ZFYVE1: variants seen among roughly 807,000 people sequenced by gnomAD.
ZFYVE1 encodes zinc finger FYVE-type containing 1.
In ZFYVE1, 30 loss-of-function variants were observed where a neutral mutation model predicts 74.4. The ratio of observed to expected loss-of-function variants is 0.40; its 90% CI spans 0.30 to 0.55. The LOEUF (loss-of-function observed/expected upper bound fraction) is 0.55. Among genes scored for constraint, ZFYVE1 ranks in the 20% least tolerant of loss-of-function variants. ZFYVE1 has a pLI of 0.42. For synonymous variants in ZFYVE1, 335 were observed against 385.1 expected (o/e 0.87, Z 1.52); for missense variants, 703 against 1,011.6 (o/e 0.69, Z 4.14).
chr14:72,995,328 C>T (rs1484651286), intron 3 of ZFYVE1, among the ~76,000 whole-genome samples: 1 of 152,178 alleles, frequency 6.6e-6, no homozygotes, highest in African/African-American at 2.4e-5. Flanking sequence ...AACCCCAAAC[C>T]TCAAGTGATC....
intron 4 of ZFYVE1, among the ~76,000 whole-genome samples, chr14:72,989,530 T>C (rs28609654): frequency 0.11 from 16,138 of 152,200 alleles, 2,037 homozygotes; most frequent in African/African-American, 0.31. Context: ...ATCATGAATA[T>C]GCATTGCTTT....
At chr14:73,007,672 A>C (rs1168573946) in intron 2 of ZFYVE1, among the ~76,000 whole-genome samples, 1 of 152,158 alleles carries the variant, frequency 6.6e-6, no homozygotes, top group Non-Finnish European at 1.5e-5. Context: ...CACTGAGCCC[A>C]ACCCCATGGC....
chr14:72,981,704 C>A (rs1479874584), intron 5 of ZFYVE1, 85 bp downstream of exon 5: 8 of 1,255,076 alleles, frequency 6.4e-6, no homozygotes, highest in Non-Finnish European at 8.2e-6. Context: ...AGGGGATCTG[C>A]ATCCACACCA....
chr14:72,991,183 ATTTTTT>A (rs57153409), intron 4 of ZFYVE1, among the ~76,000 whole-genome samples: 1 of 83,566 alleles, frequency 1.2e-5, no homozygotes, highest in African/African-American at 4.5e-5. Flanking sequence ...CCCTGATGGT[ATTTTTT>A]TTTTTTTTTT....
Position 73,015,320 on chromosome 14 carries a change from AGGGGGAAGGAAAG to A in ZFYVE1, c.483+8693_483+8705del, listed in dbSNP as rs1442385490. 3.0e-3 allele frequency among the ~76,000 whole-genome samples: 206 copies of A among 69,202 alleles called. 1 individual carries two copies. The highest frequency in any genetic ancestry group is 0.011 in the African/African-American group (199 of 17,604). 45.4% of individuals were successfully genotyped at this position (69,202 alleles called of 152,430 possible). A position where few individuals can be genotyped will look rare whatever the true frequency, so the allele number is the denominator to read the frequency against. ...AAGAAGGGAGGGAGGGAGGGAGGGAAGGGGGAAGGAAAGGGGGGAAGGAAAGGGGAAGGAAGGG... is the reference window on the plus strand; with the variant it reads ...AAGAAGGGAGGGAGGGAGGGAGGGAAGGGGGAAGGAAAGGGGAAGGAAGGG... On this transcript the variant is annotated intron_variant, in intron 2 of 11. Coordinates refer to ENST00000556143, the MANE Select transcript of ZFYVE1 (RefSeq NM_021260.4).
chr14:72,997,718 C>A, intron 3 of ZFYVE1, 93 bp downstream of exon 3: 2 of 1,463,326 alleles, frequency 1.4e-6, no homozygotes, highest in South Asian at 1.4e-5. Context: ...TCTTTCTGGG[C>A]AATCCACTAC....
chr14:73,021,689 A>G (rs1262763612), intron 2 of ZFYVE1, among the ~76,000 whole-genome samples: 1 of 152,194 alleles, frequency 6.6e-6, no homozygotes, highest in African/African-American at 2.4e-5. Context: ...CAGTTAATAA[A>G]CTGTTATTTC....
chr14:73,010,312 A>C (rs1463293519), intron 2 of ZFYVE1, among the ~76,000 whole-genome samples: 1 of 151,822 alleles, frequency 6.6e-6, no homozygotes, highest in African/African-American at 2.4e-5. Flanking sequence ...CTAAAAATAC[A>C]AAAAATTGGC....
chr14:73,021,354 A>AAAAT (rs71109783), intron 2 of ZFYVE1, among the ~76,000 whole-genome samples: 52,887 of 147,320 alleles, frequency 0.36, 9,977 homozygotes, highest in Admixed American at 0.46. Flanking sequence ...TCTCAAAATA[A>AAAAT]AAATAAATAA....
Position 72,978,907 on chromosome 14 carries a change from C to T in ZFYVE1, c.1373G>A (p.Arg458His), listed in dbSNP as rs780097110. 1.9e-6 allele frequency: 3 copies of T among 1,614,036 alleles called. No homozygotes were observed. The highest frequency in any genetic ancestry group is 1.7e-5 in the Admixed American group (1 of 60,008). ...GTCATACTGGTGGGAGTATCTGCAG[C>T]GGCTCTTGGCTTCATGAGGCACTCC... ...KEGVPHEAKS[R>H]CRYSHQYDNR... is the part of the protein sequence containing the mutation. The change falls in exon 6 of 12, where the codon CGC becomes CAC. Residue 458 changes from arginine to histidine, a missense_variant. Around this residue, in one of 2 missense-constraint regions of ZFYVE1, gnomAD observed 492 missense variants for 790.0 expected, o/e 0.62. Transcript: ENST00000556143.
At chr14:72,979,953 G>C (rs965205064) in intron 5 of ZFYVE1, among the ~76,000 whole-genome samples, 1 of 152,146 alleles carries the variant, frequency 6.6e-6, no homozygotes, top group Non-Finnish European at 1.5e-5. Flanking sequence ...CAGAGATCAG[G>C]ACTTTAGAAT....
At chr14:72,981,974 C>T in intron 4 of ZFYVE1, 79 bp from the exon 5 acceptor site, 2 of 1,194,692 alleles carry the variant, frequency 1.7e-6, no homozygotes, top group Non-Finnish European at 1.2e-6. Flanking sequence ...AGGCACCGTA[C>T]AAGCAACACA....
intron 2 of ZFYVE1, among the ~76,000 whole-genome samples, chr14:73,012,880 G>A (rs1308248277): frequency 6.6e-6 from 1 of 152,154 alleles, no homozygotes; most frequent in Non-Finnish European, 1.5e-5. Context: ...TATGAGAGAT[G>A]ACAGTTTAGC....
chr14:73,013,345 C>T (rs536034293), intron 2 of ZFYVE1, among the ~76,000 whole-genome samples: 3 of 152,126 alleles, frequency 2.0e-5, no homozygotes, highest in Non-Finnish European at 2.9e-5. Flanking sequence ...CAGTGGCTCA[C>T]GCCTGTAATC....
Position 72,978,019 on chromosome 14 carries a change from C to T in ZFYVE1, c.1543G>A (p.Gly515Ser). 6.2e-7 allele frequency: 1 copy of T among 1,614,200 alleles called. No individual in the cohort carries two copies. Among genetic ancestry groups the T allele is most frequent in the Non-Finnish European group, 8.5e-7 (1 of 1,180,048 alleles). The change falls in exon 8 of 12, where the codon GGC becomes AGC. Residue 515 changes from glycine to serine, a missense_variant. By Grantham distance (56) the Gly-to-Ser change is moderately conservative (BLOSUM62 0). Coordinates refer to ENST00000556143, the MANE Select transcript of ZFYVE1 (RefSeq NM_021260.4). ...SGYVIECPNC[G>S]VVYRSRQYWF... ...TACTGCCGACTACGATAGACCACGCCACAGTTAGGACATTCGATCACATAC... is the reference window on the plus strand; with the variant it reads ...TACTGCCGACTACGATAGACCACGCTACAGTTAGGACATTCGATCACATAC...
rs1316461320 is a variant in ZFYVE1 at position 72,975,003 on chromosome 14, T to C, written c.1807-44A>G. 6.4e-7 allele frequency: 1 copy of C among 1,566,076 alleles called. No individual in the cohort carries two copies. Among genetic ancestry groups the C allele is most frequent in the Non-Finnish European group, 8.7e-7 (1 of 1,148,000 alleles). ...AAAACAGAGAGGCAGGTAGGTATGG[T>C]ACATGTCTGCTCAGCTGAGAAAGTC... On this transcript the variant is annotated intron_variant, in intron 9 of 11. Transcript: ENST00000556143. The surrounding 1 kb of genome is among the most constrained non-coding windows in gnomAD (Gnocchi z 4.1).
chr14:73,023,519 T>C (rs1440755482), intron 2 of ZFYVE1, among the ~76,000 whole-genome samples: 6 of 149,182 alleles, frequency 4.0e-5, no homozygotes. Flanking sequence ...TAAAAGCCAC[T>C]TTTTAAATCA....
intron 4 of ZFYVE1, among the ~76,000 whole-genome samples, chr14:72,992,855 C>T (rs960130123): frequency 1.3e-5 from 2 of 152,136 alleles, no homozygotes; most frequent in Non-Finnish European, 2.9e-5. Context: ...CTCAACATGA[C>T]ACCAACTCAC....
rs1398498051 is a variant in ZFYVE1, at chr14:72,969,510, C to T, written c.*1372G>A. Reference sequence around the variant, plus strand: ...GGTACACAGTTCTAGAGTAGGGTCCCAGTCACTGGACCCCAGGAGGCAGGA... The same window carrying T: ...GGTACACAGTTCTAGAGTAGGGTCCTAGTCACTGGACCCCAGGAGGCAGGA... On this transcript the variant is annotated 3_prime_UTR_variant, in exon 12 of 12. Coordinates refer to ENST00000556143, the MANE Select transcript of ZFYVE1 (RefSeq NM_021260.4). 1 of 592,152 alleles carries T rather than the reference C, an allele frequency of 1.7e-6. No individual in the cohort carries two copies. Among genetic ancestry groups the T allele is most frequent in the Non-Finnish European group, 3.0e-6 (1 of 334,130 alleles). 36.7% of individuals were successfully genotyped at this position (592,152 alleles called of 1,614,324 possible). A position where few individuals can be genotyped will look rare whatever the true frequency, so the allele number is the denominator to read the frequency against.
Sources: gnomAD v4.1 joint callset for allele counts (sites outside exome capture counted in the v4.1 genomes callset) on GRCh38, gnomAD v4.1.1 for gene constraint, gnomAD v4.1.1 regional missense constraint, Gnocchi (gnomAD v3.1) non-coding constraint, MANE v1.5 for transcripts, NCBI Gene and HGNC (gene_info 2026-07-23, HGNC 2026-07-21) for gene names.